Variants in ERC1 observed in about 807,000 individuals in gnomAD.
ERC1 encodes the protein RAB6 interacting protein 2.
ERC1 carries 56 observed loss-of-function variants against 132.0 expected under a neutral mutation model. The observed-to-expected ratio is 0.42, with a 90% CI of 0.34 to 0.53. The LOEUF is 0.53. Ranked by LOEUF, ERC1 falls within the 20% of genes least tolerant of loss-of-function variation. The pLI is 0.03. For synonymous variants in ERC1, 478 were observed against 476.1 expected, an observed-to-expected ratio of 1.00 and a Z score of -0.05; for missense variants, 1,202 against 1,349.9, an observed-to-expected ratio of 0.89 and a Z score of 1.72.
intron 13 of ERC1, among the ~76,000 whole-genome samples, chr12:1,239,800 A>G (rs1481199646): frequency 6.6e-6 from 1 of 152,240 alleles, no homozygotes; most frequent in African/African-American, 2.4e-5. Context: ...GAAATGTACA[A>G]GACAAACCTA....
chr12:1,262,798 C>T (rs1176344691), intron 13 of ERC1, among the ~76,000 whole-genome samples: 1 of 152,204 alleles, frequency 6.6e-6, no homozygotes, highest in African/African-American at 2.4e-5. Context: ...GAGCAAATTT[C>T]TCACATTTGT....
intron 8 of ERC1, among the ~76,000 whole-genome samples, chr12:1,178,501 A>G (rs528955537): frequency 1.3e-5 from 2 of 152,158 alleles, no homozygotes; most frequent in South Asian, 2.1e-4. Flanking sequence ...AGATAGAGGA[A>G]TGGAGATATG....
intron 15 of ERC1, among the ~76,000 whole-genome samples, chr12:1,324,834 G>A (rs1017144989): frequency 6.6e-6 from 1 of 152,110 alleles, no homozygotes; most frequent in Non-Finnish European, 1.5e-5. Flanking sequence ...GGCCTCCACT[G>A]CCTGTTTTTC....
chr12:1,438,929 G>A (rs2093019504), intron 17 of ERC1, among the ~76,000 whole-genome samples: 1 of 146,822 alleles, frequency 6.8e-6, no homozygotes, highest in Non-Finnish European at 1.5e-5. Context: ...GTGACAAAGC[G>A]AGACCTTGTC....
chr12:1,393,538 A>T (rs958260670), intron 16 of ERC1, among the ~76,000 whole-genome samples: 1 of 151,946 alleles, frequency 6.6e-6, no homozygotes, highest in African/African-American at 2.4e-5. Context: ...GTCTCAATTT[A>T]AATATCAAAA....
intron 1 of ERC1, among the ~76,000 whole-genome samples, chr12:1,008,335 A>G (rs1250866142): frequency 6.6e-6 from 1 of 152,252 alleles, no homozygotes; most frequent in Admixed American, 6.5e-5. Flanking sequence ...TAGCCACATT[A>G]AAGAGTAAAA....
rs1565549904 is a variant in ERC1, at chr12:1,492,142, GTTTC to G, written c.*1915_*1918del. On this transcript the variant is annotated 3_prime_UTR_variant, in exon 19 of 19. Coordinates refer to ENST00000360905, the MANE Select transcript of ERC1 (RefSeq NM_178040.4). ...TCCCTGTGAGAGGAAACTGTGGAGC[GTTTC>G]TTATCGAAGGTTAAATGGACTCTGC... 8.6e-6 allele frequency: 2 copies of G among 232,660 alleles called. No individual in the cohort carries two copies. Among genetic ancestry groups the G allele is most frequent in the African/African-American group, 4.4e-5 (2 of 45,278 alleles). The allele number at this position is 232,660 out of a possible 1,614,324, so 14.4% of individuals were successfully genotyped here.
chr12:1,248,484 T>G (rs12426509), intron 13 of ERC1, among the ~76,000 whole-genome samples: 61,309 of 151,948 alleles, frequency 0.4, 13,401 homozygotes, highest in African/African-American at 0.57. Context: ...TGAAAAAGCC[T>G]TATAAAAAGT....
intron 18 of ERC1, among the ~76,000 whole-genome samples, chr12:1,484,076 C>CA (rs2094150825): frequency 6.6e-6 from 1 of 150,908 alleles, no homozygotes; most frequent in Non-Finnish European, 1.5e-5. Context: ...GAGGCTGAGG[C>CA]GGGCGGATCA....
At chr12:1,401,191 T>C (rs142169169) in intron 16 of ERC1, among the ~76,000 whole-genome samples, 8,567 of 151,872 alleles carry the variant, frequency 0.056, 355 homozygotes, top group African/African-American at 0.12. Context: ...GTCTCAGCCT[T>C]CCAAAGTGCT....
intron 18 of ERC1, among the ~76,000 whole-genome samples, chr12:1,485,476 T>G (rs1410733082): frequency 6.6e-6 from 1 of 152,190 alleles, no homozygotes; most frequent in Non-Finnish European, 1.5e-5. Flanking sequence ...GTGCTGGGAT[T>G]ACAGGCGTGA....
chr12:1,231,641 CTT>C (rs2075046020), intron 12 of ERC1, among the ~76,000 whole-genome samples: 1 of 151,220 alleles, frequency 6.6e-6, no homozygotes, highest in African/African-American at 2.4e-5. Flanking sequence ...CTGGAAATGT[CTT>C]TATCTCATCT....
intron 8 of ERC1, among the ~76,000 whole-genome samples, chr12:1,149,897 G>T (rs185455415): frequency 1.2e-4 from 19 of 152,268 alleles, no homozygotes; most frequent in African/African-American, 4.1e-4. Flanking sequence ...GACATGGGTG[G>T]TGGTGGATAC....
At chr12:1,142,565 T>G (rs1949952927) in intron 8 of ERC1, among the ~76,000 whole-genome samples, 1 of 152,194 alleles carries the variant, frequency 6.6e-6, no homozygotes, top group Non-Finnish European at 1.5e-5. Context: ...CAAGTAACCT[T>G]AAAGAGACTG....
At chr12:1,442,055 A>T (rs970772516) in intron 17 of ERC1, among the ~76,000 whole-genome samples, 1 of 151,996 alleles carries the variant, frequency 6.6e-6, no homozygotes, top group African/African-American at 2.4e-5. Context: ...AGCCTCCCAC[A>T]TAGCTGGGAT....
At chr12:1,204,342 A>G (rs1339245342) in intron 12 of ERC1, among the ~76,000 whole-genome samples, 1 of 152,164 alleles carries the variant, frequency 6.6e-6, no homozygotes, top group Non-Finnish European at 1.5e-5. Flanking sequence ...AAAATCTGAA[A>G]TAATTCTTTT....
At chr12:1,041,137 AAAC>A (rs1394113905) in intron 2 of ERC1, among the ~76,000 whole-genome samples, 9 of 152,182 alleles carry the variant, frequency 5.9e-5, no homozygotes, top group Non-Finnish European at 1.3e-4. Context: ...GTACATTTAG[AAAC>A]AATAAACCTA....
At chr12:1,325,721 CAAA>C (rs964665932) in intron 15 of ERC1, among the ~76,000 whole-genome samples, 9 of 152,142 alleles carry the variant, frequency 5.9e-5, no homozygotes, top group African/African-American at 1.9e-4. Flanking sequence ...ATAGAATAAA[CAAA>C]AATTTGTAGA....
intron 2 of ERC1, among the ~76,000 whole-genome samples, chr12:1,058,795 T>TTG (rs1555220562): frequency 6.7e-6 from 1 of 150,180 alleles, no homozygotes; most frequent in African/African-American, 2.4e-5. Flanking sequence ...GTATGTTTTT[T>TTG]TTTTTTTTTT....
Sources: gnomAD v4.1 joint callset for allele counts (sites outside exome capture counted in the v4.1 genomes callset) on GRCh38, gnomAD v4.1.1 for gene constraint, MANE v1.5 for transcripts, NCBI Gene and HGNC (gene_info 2026-07-23, HGNC 2026-07-21) for gene names.